The following GUCA1A variants were observed in gnomAD, a reference collection of about 807,000 sequenced individuals.
GUCA1A encodes guanylate cyclase activator 1A.
A neutral mutation model predicts 18.5 loss-of-function variants in GUCA1A; 14 were observed. That is an observed-to-expected ratio of 0.76 (90% CI 0.50 to 1.18). GUCA1A has a LOEUF of 1.18. GUCA1A is among the 50% of genes most tolerant of loss of function. GUCA1A has a pLI of 0.00. For missense variants in GUCA1A, 264 were observed against 262.4 expected, an observed-to-expected ratio of 1.01 and a Z score of -0.04; for synonymous variants, 97 against 100.2, an observed-to-expected ratio of 0.97 and a Z score of 0.19.
chr6:42,173,881 G>C (rs1364945494), intron 1 of GUCA1A, 67 bp downstream of exon 1: 3 of 1,199,638 alleles, frequency 2.5e-6, no homozygotes, highest in South Asian at 2.4e-5. Context: ...CTGACCAGCT[G>C]GGGGTGAGGA....
At chr6:42,179,000 C>G (rs1768039482) in intron 3 of GUCA1A, 105 bp downstream of exon 3, 11 of 980,666 alleles carry the variant, frequency 1.1e-5, no homozygotes, top group Non-Finnish European at 1.5e-5. Flanking sequence ...GGAGGAGAGG[C>G]CCAAAGGCCC....
chr6:42,176,887 G>A (rs555021059), intron 1 of GUCA1A, among the ~76,000 whole-genome samples: 4 of 152,356 alleles, frequency 2.6e-5, no homozygotes, highest in Admixed American at 1.3e-4. Flanking sequence ...GACAGAGGGT[G>A]TTTGGCTGCA....
intron 1 of GUCA1A, among the ~76,000 whole-genome samples, chr6:42,176,185 T>C (rs924148637): frequency 6.6e-6 from 1 of 152,192 alleles, no homozygotes; most frequent in Admixed American, 6.5e-5. Flanking sequence ...AGTGAATGAA[T>C]ATATGAGAAA....
chr6:42,175,628 G>C (rs1196553275), intron 1 of GUCA1A, among the ~76,000 whole-genome samples: 1 of 152,126 alleles, frequency 6.6e-6, no homozygotes, highest in South Asian at 2.1e-4. Flanking sequence ...GCCTCCCATA[G>C]TGCTGGGATT....
chr6:42,178,541 AT>A, intron 2 of GUCA1A, 112 bp downstream of exon 2: 4 of 1,102,102 alleles, frequency 3.6e-6, no homozygotes, highest in Non-Finnish European at 5.5e-6. Context: ...GGGACTGAGG[AT>A]CCTGGTGGCA....
At chr6:42,178,517 T>C (rs1350525800) in intron 2 of GUCA1A, 88 bp downstream of exon 2, 7 of 1,266,912 alleles carry the variant, frequency 5.5e-6, no homozygotes, top group African/African-American at 1.5e-5. Flanking sequence ...AATCTCAGGA[T>C]TGAGACAGGA....
chr6:42,175,484 C>G (rs991395099), intron 1 of GUCA1A, among the ~76,000 whole-genome samples: 1 of 151,464 alleles, frequency 6.6e-6, no homozygotes, highest in Admixed American at 6.6e-5. Flanking sequence ...CCTCACTCAG[C>G]CTCTCAAGTA....
chr6:42,178,503 CA>C, intron 2 of GUCA1A, 74 bp downstream of exon 2: 1 of 1,346,454 alleles, frequency 7.4e-7, no homozygotes, highest in Non-Finnish European at 1.1e-6. Flanking sequence ...AGGGTTAGAA[CA>C]ACAATCTCAG....
rs773214199 is a variant in GUCA1A, at chr6:42,173,585, C to T, written c.-29C>T. The T allele has an allele frequency of 6.3e-7, 1 of 1,587,832 alleles. No homozygotes were observed. The highest frequency in any genetic ancestry group is 8.6e-7 in the Non-Finnish European group (1 of 1,157,008). ...AGCAGCGAACAGGGCCTGTCCATCT[C>T]AGACGTCAGCCCCCTGAAGGCCTGA... On this transcript the variant is annotated 5_prime_UTR_variant, in exon 1 of 4. Coordinates refer to ENST00000372958, the MANE Select transcript of GUCA1A (RefSeq NM_001384910.1).
chr6:42,173,732 G>C lies in GUCA1A; in HGVS notation c.119G>C (p.Arg40Pro). ...PSGQLTLYEF[R>P]QFFGLKNLSP... is the part of the protein sequence containing the mutation. The stretch of plus-strand genomic sequence containing the variant: ...GGCCAACTCACCCTCTATGAGTTCC[G>C]CCAGTTCTTCGGCCTCAAGAACCTG... Residue 40 changes from arginine to proline, a missense_variant, in exon 1 of 4, where the codon CGC becomes CCC. Physicochemically the swap from Arg to Pro is moderately radical, Grantham distance 103. Transcript: ENST00000372958. The C allele has an allele frequency of 6.2e-7, 1 of 1,614,098 alleles. No homozygotes were observed. The highest frequency in any genetic ancestry group is 1.1e-5 in the South Asian group (1 of 91,086).
chr6:42,173,617 G>C lies in GUCA1A; in HGVS notation c.4G>C (p.Gly2Arg). The C allele has an allele frequency of 6.2e-7, 1 of 1,613,532 alleles. No individual in the cohort carries two copies. The change falls in exon 1 of 4, where the codon GGC (glycine) becomes CGC (arginine). Residue 2 changes from glycine to arginine, a missense_variant. Physicochemically the swap from Gly to Arg is moderately radical, Grantham distance 125. Coordinates refer to ENST00000372958, the MANE Select transcript of GUCA1A (RefSeq NM_001384910.1). ...CAGCCCCCTGAAGGCCTGAGCAATG[G>C]GCAACGTGATGGAGGGAAAGTCAGT... MGNVMEGKSVEE... is the reference protein window; with the variant it reads MRNVMEGKSVEE...
chr6:42,178,237 G>C, intron 1 of GUCA1A, 43 bp from the exon 2 acceptor site: 1 of 1,610,832 alleles, frequency 6.2e-7, no homozygotes. Context: ...GCTGGAGTGA[G>C]CGGGGCCCGG....
rs1487751111 is a variant in GUCA1A at position 42,175,431 on chromosome 6, G to A, written c.201+1617G>A. 1.3e-4 allele frequency among the ~76,000 whole-genome samples: 18 copies of A among 143,544 alleles called. No homozygotes were observed. The Admixed American group carries it at 1.3e-3, about 11-fold the overall frequency. The allele number at this position is 143,544 out of a possible 152,430, so 94.2% of individuals were successfully genotyped here. The stretch of plus-strand genomic sequence containing the variant: ...ACTGGAGTGCAGTGGCGTGATCTCG[G>A]CTCACTGCAACCTCCACCTCCTGGG... On this transcript the variant is annotated intron_variant, in intron 1 of 3. Transcript: ENST00000372958.
chr6:42,178,250 G>A, intron 1 of GUCA1A, 30 bp from the exon 2 acceptor site: 1 of 1,612,564 alleles, frequency 6.2e-7, no homozygotes, highest in Non-Finnish European at 8.5e-7. Flanking sequence ...GGGCCCGGAT[G>A]GGCTCACGGC....
intron 1 of GUCA1A, among the ~76,000 whole-genome samples, chr6:42,177,027 A>T (rs1767976929): frequency 6.6e-6 from 1 of 152,156 alleles, no homozygotes; most frequent in African/African-American, 2.4e-5. Flanking sequence ...ATTGCACCAG[A>T]TGTGCAGGGC....
chr6:42,173,404 T>C lies in GUCA1A; in HGVS notation c.-210T>C, dbSNP rs1178372689. The C allele has an allele frequency of 3.2e-6, 2 of 616,266 alleles. No homozygotes were observed. The highest frequency in any genetic ancestry group is 2.9e-6 in the Non-Finnish European group (1 of 343,588). The allele number at this position is 616,266 out of a possible 1,614,324, so 38.2% of individuals were successfully genotyped here. A position where few individuals can be genotyped will look rare whatever the true frequency, so the allele number is the denominator to read the frequency against. On this transcript the variant is annotated 5_prime_UTR_variant, in exon 1 of 4. Coordinates refer to ENST00000372958, the MANE Select transcript of GUCA1A (RefSeq NM_001384910.1). ...CACCAGTTCTCTGGCATCTGTGAGT[T>C]TGAGTGTGGGCCATCATCTTCTTCC...
At chr6:42,176,497 G>A (rs1200851368) in intron 1 of GUCA1A, among the ~76,000 whole-genome samples, 2 of 152,128 alleles carry the variant, frequency 1.3e-5, no homozygotes, top group African/African-American at 2.4e-5. Flanking sequence ...GCAATGGCAC[G>A]ATCTCGGCTC....
chr6:42,179,128 T>C lies in GUCA1A; in HGVS notation c.446-115T>C. On this transcript the variant is annotated intron_variant, in intron 3 of 3. Transcript: ENST00000372958. The stretch of plus-strand genomic sequence containing the variant: ...TGCTTGCTGCACCCGCAGCAGGGGC[T>C]CTGACTTCTCCTCACGTGGGCTCTG... The C allele has an allele frequency of 3.8e-6, 4 of 1,043,696 alleles. No homozygotes were observed. The South Asian group carries it at 3.9e-5, about 10-fold the overall frequency. 64.7% of individuals were successfully genotyped at this position (1,043,696 alleles called of 1,614,324 possible). A position where few individuals can be genotyped will look rare whatever the true frequency, so the allele number is the denominator to read the frequency against.
In GUCA1A at chr6:42,173,524, C is replaced by T. The variant is rs765245233; in HGVS notation, c.-90C>T. ...AAGGACTCAGGCCTGTGAGAGAGGA[C>T]GGCCCCGTTGTCGGCCAAGACACCT... On this transcript the variant is annotated 5_prime_UTR_variant, in exon 1 of 4. In the 5' UTR this introduces an upstream ATG that the reference lacks. Transcript: ENST00000372958. 64 of 994,354 alleles carry T rather than the reference C, an allele frequency of 6.4e-5. No individual in the cohort carries two copies. Among genetic ancestry groups the T allele is most frequent in the Non-Finnish European group, 9.4e-5 (59 of 627,232 alleles). The allele number at this position is 994,354 out of a possible 1,614,324, so 61.6% of individuals were successfully genotyped here. A position where few individuals can be genotyped will look rare whatever the true frequency, so the allele number is the denominator to read the frequency against.
Sources: gnomAD v4.1 joint callset for allele counts (sites outside exome capture counted in the v4.1 genomes callset) on GRCh38, gnomAD v4.1.1 for gene constraint, MANE v1.5 for transcripts, NCBI Gene and HGNC (gene_info 2026-07-23, HGNC 2026-07-21) for gene names.